Variants in ESR1 observed in about 807,000 individuals in gnomAD.
ESR1 encodes the protein estrogen receptor 1, also known as estrogen receptor.
ESR1 carries 12 observed loss-of-function variants against 52.7 expected under a neutral mutation model. The ratio of observed to expected loss-of-function variants is 0.23; its 90% confidence interval spans 0.15 to 0.37. ESR1 has a LOEUF of 0.37. ESR1 is among the 10% of genes least tolerant of loss of function. The probability of loss-of-function intolerance (pLI) is 1.00; values close to 1 mark genes in which losing one functional copy is unlikely to be tolerated. For synonymous variants in ESR1, 305 were observed against 316.8 expected, an observed-to-expected ratio of 0.96 and a Z score of 0.39; for missense variants, 584 against 779.7, an observed-to-expected ratio of 0.75 and a Z score of 2.99.
At chr6:151,674,294 T>C (rs1029110972) in intron 1 of ESR1, among the ~76,000 whole-genome samples, 4 of 152,208 alleles carry the variant, frequency 2.6e-5, no homozygotes, top group Admixed American at 1.3e-4. Context: ...TGGTTTTCTG[T>C]TCCTGTGTTA....
intron 2 of ESR1, among the ~76,000 whole-genome samples, chr6:151,715,695 G>T (rs1005252954): frequency 1.3e-5 from 2 of 152,134 alleles, no homozygotes; most frequent in African/African-American, 4.8e-5. Flanking sequence ...GGTCATTTAT[G>T]TTCTGCTCTA....
intron 1 of ESR1, among the ~76,000 whole-genome samples, chr6:151,658,635 T>G (rs1017506763): frequency 6.6e-6 from 1 of 152,240 alleles, no homozygotes; most frequent in African/African-American, 2.4e-5. Context: ...TTTATTTTAC[T>G]TTAAGTTCTG....
At chr6:151,797,735 C>G (rs1286253711) in intron 2 of ESR1, among the ~76,000 whole-genome samples, 2 of 152,160 alleles carry the variant, frequency 1.3e-5, no homozygotes, top group African/African-American at 4.8e-5. Flanking sequence ...ATTCCAGGGG[C>G]TAACAAGGGA....
chr6:151,925,122 G>GTTTTTTTT (rs1210135856), intron 3 of ESR1, among the ~76,000 whole-genome samples: 1 of 38,684 alleles, frequency 2.6e-5, no homozygotes, highest in African/African-American at 1.1e-4. Context: ...CCCAGCATCT[G>GTTTTTTTT]GTTTTTTTTG....
chr6:151,977,508 T>G (rs963966691), intron 4 of ESR1, among the ~76,000 whole-genome samples: 2 of 150,850 alleles, frequency 1.3e-5, no homozygotes, highest in African/African-American at 4.9e-5. Context: ...CAATAGTGAC[T>G]GCAAAGCCAG....
intron 2 of ESR1, among the ~76,000 whole-genome samples, chr6:151,755,070 C>T (rs375565550): frequency 3.9e-5 from 6 of 152,080 alleles, no homozygotes; most frequent in East Asian, 3.9e-4. Flanking sequence ...CTTAGCTGGA[C>T]GTGATGGTGC....
intron 2 of ESR1, among the ~76,000 whole-genome samples, chr6:151,748,284 G>A (rs117845110): frequency 0.019 from 2,919 of 152,186 alleles, 38 homozygotes; most frequent in East Asian, 0.033. Flanking sequence ...TAGAGTCCTT[G>A]AAAGTTGTCT....
chr6:151,952,618 G>A (rs1449985390), intron 4 of ESR1, among the ~76,000 whole-genome samples: 1 of 152,210 alleles, frequency 6.6e-6, no homozygotes, highest in Non-Finnish European at 1.5e-5. Context: ...TTGGTCCAGA[G>A]TATCTTGCAG....
At chr6:151,721,844 T>C (rs1781483492) in intron 2 of ESR1, among the ~76,000 whole-genome samples, 1 of 152,246 alleles carries the variant, frequency 6.6e-6, no homozygotes, top group African/African-American at 2.4e-5. Context: ...AATTCATTCA[T>C]CCACCAAATA....
intron 1 of ESR1, among the ~76,000 whole-genome samples, chr6:151,701,616 G>A (rs193161448): frequency 1.6e-4 from 25 of 151,812 alleles, no homozygotes; most frequent in Admixed American, 7.2e-4. Flanking sequence ...TGGCCTGTGC[G>A]TGAATGAAGA....
At chr6:151,686,095 A>T (rs554618596), upstream of ESR1, among the ~76,000 whole-genome samples, 2 of 107,828 alleles carry the variant, frequency 1.9e-5, no homozygotes, top group Non-Finnish European at 1.6e-5. Flanking sequence ...TTTTATTTAG[A>T]GACGGGGTCT....
At chr6:151,993,456 G>C (rs149851070) in intron 4 of ESR1, among the ~76,000 whole-genome samples, 322 of 152,192 alleles carry the variant, frequency 2.1e-3, no homozygotes, top group African/African-American at 7.4e-3. Context: ...AAAAGTCACA[G>C]CTTTCTTACC....
chr6:152,123,366 G>A (rs866554112), intron 6 of ESR1, among the ~76,000 whole-genome samples: 3 of 152,184 alleles, frequency 2.0e-5, no homozygotes, highest in South Asian at 2.1e-4. Context: ...TATCACTGAC[G>A]TCATTACTTT....
chr6:151,779,814 C>T (rs544391457), intron 2 of ESR1, among the ~76,000 whole-genome samples: 18 of 130,356 alleles, frequency 1.4e-4, no homozygotes, highest in African/African-American at 4.0e-4. Flanking sequence ...GAAAATGTGG[C>T]GCGTGAACCC....
intron 1 of ESR1, among the ~76,000 whole-genome samples, chr6:151,665,319 G>A (rs1431134964): frequency 6.6e-6 from 1 of 152,134 alleles, no homozygotes; most frequent in East Asian, 1.9e-4. Context: ...CATGCAGTCC[G>A]CAGATTTTTT....
At chr6:151,939,689 A>C (rs1454577439) in intron 3 of ESR1, among the ~76,000 whole-genome samples, 1 of 151,986 alleles carries the variant, frequency 6.6e-6, no homozygotes, top group Non-Finnish European at 1.5e-5. Context: ...CAAAATTACT[A>C]CTCCCATGTA....
chr6:151,986,030 A>C (rs1393530754), intron 4 of ESR1, among the ~76,000 whole-genome samples: 1 of 152,096 alleles, frequency 6.6e-6, no homozygotes, highest in Non-Finnish European at 1.5e-5. Context: ...ATAATAAGTT[A>C]ATCTGTTGAT....
chr6:151,894,683 G>C (rs1795198644), intron 3 of ESR1, among the ~76,000 whole-genome samples: 2 of 152,210 alleles, frequency 1.3e-5, no homozygotes, highest in Non-Finnish European at 2.9e-5. Flanking sequence ...CTTTGGCAAA[G>C]AGCAGTTGGC....
At chr6:151,868,983 G>A (rs1790461564) in intron 2 of ESR1, among the ~76,000 whole-genome samples, 1 of 152,108 alleles carries the variant, frequency 6.6e-6, no homozygotes, top group Non-Finnish European at 1.5e-5. Flanking sequence ...AGAGCTTAGT[G>A]AACCGTCTTT....
Sources: gnomAD v4.1 joint callset for allele counts (sites outside exome capture counted in the v4.1 genomes callset) on GRCh38, gnomAD v4.1.1 for gene constraint, MANE v1.5 for transcripts, NCBI Gene and HGNC (gene_info 2026-07-23, HGNC 2026-07-21) for gene names.